Variants in PCSK7 observed in about 807,000 individuals in gnomAD.
PCSK7 encodes the protein lymphoma proprotein convertase.
Under a neutral mutation model 73.3 loss-of-function variants are expected in PCSK7, and 38 were observed. The observed-to-expected ratio is 0.52, with a 90% CI of 0.40 to 0.68. The LOEUF (loss-of-function observed/expected upper bound fraction) is 0.68. PCSK7 is among the 30% of genes least tolerant of loss of function. The probability of loss-of-function intolerance (pLI) is 0.00; values close to 1 mark genes in which losing one functional copy is unlikely to be tolerated. For synonymous variants in PCSK7, 296 were observed against 383.8 expected, an observed-to-expected ratio of 0.77 and a Z score of 2.68; for missense variants, 692 against 991.5, an observed-to-expected ratio of 0.70 and a Z score of 4.06.
chr11:117,212,211 T>C (rs1188930494), intron 12 of PCSK7: 1 of 152,150 alleles, frequency 6.6e-6, no homozygotes, highest in Non-Finnish European at 1.5e-5. Flanking sequence ...TTTAATTGTT[T>C]TCTTCTGGGA....
chr11:117,224,245 T>C (rs2032321681), intron 7 of PCSK7, 29 bp from the exon 8 acceptor site: 3 of 1,612,144 alleles, frequency 1.9e-6, no homozygotes, highest in African/African-American at 2.7e-5. Flanking sequence ...AGGGTGTCAG[T>C]TGAGGAACCC....
Position 117,227,261 on chromosome 11 carries a change from A to G in PCSK7, c.665T>C (p.Val222Ala). The G allele has an allele frequency of 6.2e-7, 1 of 1,613,754 alleles. No individual in the cohort carries two copies. The highest frequency in any genetic ancestry group is 8.5e-7 in the Non-Finnish European group (1 of 1,179,742). The change falls in exon 5 of 17, where the codon GTG becomes GCG. Residue 222 changes from valine to alanine, a missense_variant. Around this residue, in one of 6 missense-constraint regions of PCSK7, gnomAD observed 574 missense variants for 689.8 expected, o/e 0.83. Transcript: ENST00000320934. ...NDPDPMPHPD[V>A]ENGNHHGTRC... The stretch of plus-strand genomic sequence containing the variant: ...CGTGCCATGGTGGTTGCCATTCTCC[A>G]CATCCGGGTGGGGCATGGGGTCAGG...
At chr11:117,216,433 A>ACTT (rs2031987194) in intron 12 of PCSK7, 1 of 125,532 alleles carries the variant, frequency 8.0e-6, no homozygotes, top group Non-Finnish European at 1.7e-5. Context: ...TCAACTCTCA[A>ACTT]TTTTTTTTTT....
intron 2 of PCSK7, 30 bp from the exon 3 acceptor site, chr11:117,229,886 G>A (rs747521957): frequency 1.5e-6 from 2 of 1,295,744 alleles, no homozygotes; most frequent in Non-Finnish European, 2.1e-6. Context: ...ATATGGAAGA[G>A]ATCAAAGAGC....
intron 1 of PCSK7, among the ~76,000 whole-genome samples, chr11:117,231,372 C>G (rs763422821): frequency 6.6e-6 from 1 of 152,194 alleles, no homozygotes; most frequent in South Asian, 2.1e-4. Context: ...CTCTCAATCC[C>G]TCCCTGCCCC....
intron 1 of PCSK7, chr11:117,231,016 C>T (rs1479538216): frequency 1.3e-5 from 2 of 150,754 alleles, no homozygotes; most frequent in Non-Finnish European, 2.9e-5. Context: ...ACTCCAATTG[C>T]CTGGGTTTGA....
intron 4 of PCSK7, 150 bp downstream of exon 4, chr11:117,228,066 A>G (rs969114372): frequency 4.4e-6 from 3 of 688,986 alleles, no homozygotes; most frequent in Admixed American, 5.4e-5. Context: ...TTGACTGGCT[A>G]GCTAGGGAAA....
chr11:117,212,469 G>GAT (rs1421368652), intron 12 of PCSK7: 1 of 143,724 alleles, frequency 7.0e-6, no homozygotes, highest in Non-Finnish European at 1.5e-5. Context: ...GCAGTGGCAC[G>GAT]ATCTCGGCTC....
chr11:117,215,380 G>GTGTGTGTGTGTGTGTATATATATATA lies in PCSK7; in HGVS notation c.1534+3085_1534+3086insTATATATATATACACACACACACACA, dbSNP rs1164738557. On this transcript the variant is annotated intron_variant, in intron 12 of 16. Coordinates refer to ENST00000320934, the MANE Select transcript of PCSK7 (RefSeq NM_004716.4). ...CTGGCTAATTTGTGTGTGTGTGTGTGTATATATATATATATATATATATAT... is the reference window on the plus strand; with the variant it reads ...CTGGCTAATTTGTGTGTGTGTGTGTGTGTGTGTGTGTGTGTATATATATATATATATATATATATATATATATATAT... The GTGTGTGTGTGTGTGTATATATATATA allele has an allele frequency of 8.9e-5, 5 of 55,896 alleles. No individual in the cohort carries two copies. In the East Asian group the frequency reaches 4.9e-3, roughly 54 times the overall value. The allele number at this position is 55,896 out of a possible 1,614,324, so 3.5% of individuals were successfully genotyped here.
chr11:117,230,891 A>G (rs1282519714), intron 1 of PCSK7, among the ~76,000 whole-genome samples: 1 of 152,128 alleles, frequency 6.6e-6, no homozygotes, highest in Non-Finnish European at 1.5e-5. Flanking sequence ...ACAGGCACCA[A>G]GGACAAGCGG....
chr11:117,219,084 G>T lies in PCSK7; in HGVS notation c.1404C>A (p.Asn468Lys). Residue 468 changes from asparagine (N) to lysine (K), a missense_variant, in exon 11 of 17, where the codon AAC becomes AAA. Coordinates refer to ENST00000320934, the MANE Select transcript of PCSK7 (RefSeq NM_004716.4). ...TGGCTGCATTCACGAGCCTCCAGGC[G>T]TTGAGGAGGCCGAAACCGTGCTGGT... ...HSHQHGFGLL[N>K]AWRLVNAAKI... 1 of 1,609,948 alleles carries T rather than the reference G, an allele frequency of 6.2e-7. No homozygotes were observed. The highest frequency in any genetic ancestry group is 1.3e-5 in the African/African-American group (1 of 75,048).
chr11:117,210,849 T>C (rs2031697437), intron 12 of PCSK7: 1 of 152,054 alleles, frequency 6.6e-6, no homozygotes. Flanking sequence ...GGTGGGAGGA[T>C]GGCTTGAGCC....
chr11:117,209,771 G>A (rs1272619877), intron 12 of PCSK7: 1 of 153,208 alleles, frequency 6.5e-6, no homozygotes, highest in African/African-American at 2.4e-5. Flanking sequence ...TTGAGCCTGG[G>A]AGGTGGAGAT....
chr11:117,224,451 G>A (rs1259935870), intron 7 of PCSK7, among the ~76,000 whole-genome samples: 2 of 152,202 alleles, frequency 1.3e-5, no homozygotes, highest in Non-Finnish European at 2.9e-5. Flanking sequence ...CTGCTTATCA[G>A]AGGACAGGGT....
chr11:117,229,893 G>A lies in PCSK7; in HGVS notation c.-12-37C>T, dbSNP rs563617936. 28 of 1,259,816 alleles carry A rather than the reference G, an allele frequency of 2.2e-5. No homozygotes were observed. The South Asian group carries it at 4.2e-4, about 19-fold the overall frequency. The allele number at this position is 1,259,816 out of a possible 1,614,324, so 78.0% of individuals were successfully genotyped here. A position where few individuals can be genotyped will look rare whatever the true frequency, so the allele number is the denominator to read the frequency against. On this transcript the variant is annotated intron_variant, in intron 2 of 16. Coordinates refer to ENST00000320934, the MANE Select transcript of PCSK7 (RefSeq NM_004716.4). ...GAAAAAGGATATGGAAGAGATCAAA[G>A]AGCTGGTAACTGCAGGAATCTGAGA...
At chr11:117,213,967 T>TG in intron 12 of PCSK7, 1 of 133,212 alleles carries the variant, frequency 7.5e-6, no homozygotes, top group Non-Finnish European at 1.6e-5. Flanking sequence ...TTTTTTTTTT[T>TG]TTTTTTTTTA....
At chr11:117,210,664 A>G (rs556861271) in intron 12 of PCSK7, 1 of 152,294 alleles carries the variant, frequency 6.6e-6, no homozygotes, top group East Asian at 1.9e-4. Context: ...GCCGAATACA[A>G]TTCTTTTTAA....
At chr11:117,222,878 C>G (rs1185166464) in intron 9 of PCSK7, 1 of 232,576 alleles carries the variant, frequency 4.3e-6, no homozygotes, top group East Asian at 1.1e-4. Flanking sequence ...AACTCCTGAC[C>G]TCAAGTGATC....
chr11:117,213,697 G>C (rs1469736300), intron 12 of PCSK7: 3 of 152,214 alleles, frequency 2.0e-5, no homozygotes, highest in African/African-American at 7.2e-5. Context: ...AGTGTACGCA[G>C]TGGCATGCTA....
Sources: gnomAD v4.1 joint callset for allele counts (sites outside exome capture counted in the v4.1 genomes callset) on GRCh38, gnomAD v4.1.1 for gene constraint, gnomAD v4.1.1 regional missense constraint, MANE v1.5 for transcripts, NCBI Gene and HGNC (gene_info 2026-07-23, HGNC 2026-07-21) for gene names.